Variants in OTOF observed in about 807,000 individuals in gnomAD.
OTOF encodes the protein otoferlin.
A neutral mutation model predicts 236.8 loss-of-function variants in OTOF; 218 were observed. The observed-to-expected ratio is 0.92, with a 90% CI of 0.82 to 1.03. The LOEUF is 1.03. OTOF is among the 50% of genes least tolerant of loss of function. OTOF has a pLI of 0.00. For synonymous variants in OTOF, 1,041 were observed against 1,072.5 expected (o/e 0.97, Z 0.57); for missense variants, 2,590 against 2,694.4 (o/e 0.96, Z 0.86).
intron 1 of OTOF, among the ~76,000 whole-genome samples, chr2:26,544,942 G>A (rs1474159866): frequency 6.6e-6 from 1 of 151,682 alleles, no homozygotes; most frequent in Non-Finnish European, 1.5e-5. Flanking sequence ...TCGGGAGGCT[G>A]AAGCAGGAGA....
chr2:26,489,649 C>A (rs867025817), intron 10 of OTOF, 29 bp downstream of exon 10: 1 of 1,596,434 alleles, frequency 6.3e-7, no homozygotes, highest in South Asian at 1.1e-5. Flanking sequence ...GGGAGTGGCC[C>A]TGCCGGCCAG....
intron 3 of OTOF, among the ~76,000 whole-genome samples, chr2:26,526,310 G>A (rs1666803243): frequency 6.6e-6 from 1 of 151,786 alleles, no homozygotes; most frequent in African/African-American, 2.4e-5. Context: ...TGAAAGGATG[G>A]ACGGATGAAT....
Position 26,489,760 on chromosome 2 carries a change from G to A in OTOF, c.898-20C>T, listed in dbSNP as rs1572445517. 1.2e-6 allele frequency: 2 copies of A among 1,605,736 alleles called. No homozygotes were observed. The highest frequency in any genetic ancestry group is 4.5e-5 in the East Asian group (2 of 44,852). On this transcript the variant is annotated intron_variant, in intron 9 of 46. Coordinates refer to ENST00000272371, the MANE Select transcript of OTOF (RefSeq NM_194248.3). Reference sequence around the variant, plus strand: ...GAAGTACTGGAGGGGGAAGGATCCAGGCCTGCTGTCACTGAGGGCAGCAGC... The same window carrying A: ...GAAGTACTGGAGGGGGAAGGATCCAAGCCTGCTGTCACTGAGGGCAGCAGC...
rs1664506324 is a variant in OTOF, at chr2:26,462,339, G to C, written c.5193-158C>G. The stretch of plus-strand genomic sequence containing the variant: ...CTGGAGGAGTGGTTTGGGGTTGGGG[G>C]AGCAGAGGCATGAGTGAGAAGGCCC... On this transcript the variant is annotated intron_variant, in intron 41 of 46. Coordinates refer to ENST00000272371, the MANE Select transcript of OTOF (RefSeq NM_194248.3). The surrounding 1 kb of genome is among the most constrained non-coding windows in gnomAD (Gnocchi z 4.7). Among the ~76,000 whole-genome samples, 1 of 151,992 alleles carries C rather than the reference G, an allele frequency of 6.6e-6. No homozygotes were observed. Among genetic ancestry groups the C allele is most frequent in the Non-Finnish European group, 1.5e-5 (1 of 67,970 alleles).
intron 2 of OTOF, among the ~76,000 whole-genome samples, chr2:26,535,933 T>A (rs1667059023): frequency 6.6e-6 from 1 of 152,200 alleles, no homozygotes; most frequent in Non-Finnish European, 1.5e-5. Flanking sequence ...AGGGTGGCAG[T>A]GCCCTTGGAA....
intron 1 of OTOF, among the ~76,000 whole-genome samples, chr2:26,542,249 G>A (rs2148127312): frequency 6.6e-6 from 1 of 152,328 alleles, no homozygotes; most frequent in Non-Finnish European, 1.5e-5. Context: ...GGTGTGCAGG[G>A]ACACGGCTGC....
At chr2:26,547,639 C>A (rs1026286051) in intron 1 of OTOF, among the ~76,000 whole-genome samples, 1 of 152,012 alleles carries the variant, frequency 6.6e-6, no homozygotes, top group African/African-American at 2.4e-5. Context: ...AGTTCAAGAC[C>A]AGCCTGGCCA....
intron 5 of OTOF, among the ~76,000 whole-genome samples, chr2:26,506,988 T>C (rs1236087111): frequency 6.6e-6 from 1 of 152,166 alleles, no homozygotes; most frequent in Admixed American, 6.5e-5. Context: ...AGACTCTGTC[T>C]CAAACAAACA....
At chr2:26,504,407 C>T (rs939671750) in intron 5 of OTOF, among the ~76,000 whole-genome samples, 58 of 152,308 alleles carry the variant, frequency 3.8e-4, no homozygotes, top group African/African-American at 1.4e-3. Context: ...TGCTCAAAGC[C>T]TGACTTGTCT....
chr2:26,473,076 GC>G lies in OTOF; in HGVS notation c.3733+55del. The stretch of plus-strand genomic sequence containing the variant: ...GGCTTGGACTGGGCGGAGACCTGGA[GC>G]CCTTCCCTGGGGGGCGTGGAGCCAG... On this transcript the variant is annotated intron_variant, in intron 29 of 46. Transcript: ENST00000272371. This position sits in a 1 kb window ranked among gnomAD's most constrained non-coding sequence, Gnocchi z 7.2. 1 of 1,555,684 alleles carries G rather than the reference GC, an allele frequency of 6.4e-7. No homozygotes were observed. Among genetic ancestry groups the G allele is most frequent in the African/African-American group, 1.3e-5 (1 of 74,136 alleles).
chr2:26,543,740 G>A (rs901087478), intron 1 of OTOF, among the ~76,000 whole-genome samples: 5 of 151,946 alleles, frequency 3.3e-5, no homozygotes, highest in African/African-American at 9.7e-5. Flanking sequence ...TTTTTGAGAC[G>A]GAGTCTTGAT....
rs557413917 is a variant in OTOF at position 26,507,432 on chromosome 2, G to T, written c.510-3587C>A. On this transcript the variant is annotated intron_variant, in intron 5 of 46. Coordinates refer to ENST00000272371, the MANE Select transcript of OTOF (RefSeq NM_194248.3). ...ACTTCTCTTGGCAAACTGTAAAGGA[G>T]AGTTTTGAAATAAATGTCAACTTAA... is the stretch of plus-strand genomic sequence containing the variant. Among the ~76,000 whole-genome samples, 3 of 152,350 alleles carry T rather than the reference G, an allele frequency of 2.0e-5. No homozygotes were observed. In the East Asian group the frequency reaches 5.8e-4, roughly 29 times the overall value.
At position 26,494,923 on chromosome 2, in the gene OTOF, T is replaced by G; in HGVS notation, c.897+19A>C. ...CCTGCCATATTTACAGAGGCTCCTT[T>G]CCCCACAGGGCCACTGACCTCGTTG... On this transcript the variant is annotated intron_variant, in intron 9 of 46. Coordinates refer to ENST00000272371, the MANE Select transcript of OTOF (RefSeq NM_194248.3). 1 of 1,614,014 alleles carries G rather than the reference T, an allele frequency of 6.2e-7. No homozygotes were observed. Among genetic ancestry groups the G allele is most frequent in the African/African-American group, 1.3e-5 (1 of 74,986 alleles).
Position 26,466,791 on chromosome 2 carries a change from C to T in OTOF, c.4423G>A (p.Asp1475Asn), listed in dbSNP as rs759839598. 15 of 1,614,074 alleles carry T rather than the reference C, an allele frequency of 9.3e-6. No homozygotes were observed. The East Asian group carries it at 1.1e-4, about 12-fold the overall frequency. Residue 1475 changes from aspartate to asparagine, a missense_variant, in exon 36 of 47, where the codon GAC becomes AAC. This residue lies in a region of OTOF where 1,211 missense variants were observed against 1,352.8 expected (regional missense o/e 0.90). Transcript: ENST00000272371. ...PEDVSREAGYDSTYGMFQGIP... is the reference protein window; with the variant it reads ...PEDVSREAGYNSTYGMFQGIP... ...CCCTGGAACATGCCGTAGGTGGAGT[C>T]GTAGCCGGCTTCCCGGGACACGTCC...
At chr2:26,520,710 C>A (rs561234607) in intron 3 of OTOF, among the ~76,000 whole-genome samples, 16 of 152,308 alleles carry the variant, frequency 1.1e-4, no homozygotes, top group Non-Finnish European at 1.8e-4. Context: ...AGCTGCTGCC[C>A]CTGAGTCTCA....
Position 26,486,628 on chromosome 2 carries a change from G to A in OTOF, c.1046-1995C>T, listed in dbSNP as rs374713803. ...GTGTGAAAGTGGGTGAAGGTTACAG[G>A]GTGACAGATTTTGAGATGACCTAAA... is the stretch of plus-strand genomic sequence containing the variant. On this transcript the variant is annotated intron_variant, in intron 11 of 46. Coordinates refer to ENST00000272371, the MANE Select transcript of OTOF (RefSeq NM_194248.3). 4.3e-4 allele frequency among the ~76,000 whole-genome samples: 65 copies of A among 152,290 alleles called. 2 individuals are homozygous for A. The highest frequency in any genetic ancestry group is 1.5e-3 in the African/African-American group (64 of 41,552).
chr2:26,479,586 C>T lies in OTOF; in HGVS notation c.1980G>A (p.Gly660=), dbSNP rs1323522125. 2 of 1,612,736 alleles carry T rather than the reference C, an allele frequency of 1.2e-6. No homozygotes were observed. The highest frequency in any genetic ancestry group is 1.1e-5 in the South Asian group (1 of 91,076). Residue 660 remains glycine, a synonymous_variant, in exon 17 of 47, where the codon GGG becomes GGA. Coordinates refer to ENST00000272371, the MANE Select transcript of OTOF (RefSeq NM_194248.3). ...GAATCAGGTCTACTTCTTCCTCATC[C>T]CCCGGCTCCTTCCGGGGCCGAGGCC... ...PQRPRPRKEP[G]DEEEVDLIQN...
rs2148024902 is a variant in OTOF at position 26,464,107 on chromosome 2, C to T, written c.4961-1G>A. 1 of 1,613,454 alleles carries T rather than the reference C, an allele frequency of 6.2e-7. No individual in the cohort carries two copies. The highest frequency in any genetic ancestry group is 8.5e-7 in the Non-Finnish European group (1 of 1,179,982). On this transcript the variant is annotated splice_acceptor_variant, in intron 39 of 46. Transcript: ENST00000272371. LOFTEE classifies it high-confidence loss of function. ...TGCTCGTCTGTGGGCTTCCTCTGAC[C>T]TGTGGGTGCCGGCGGCTCAGCTGCA...
At chr2:26,503,533 G>A (rs921248250) in intron 6 of OTOF, among the ~76,000 whole-genome samples, 2 of 152,372 alleles carry the variant, frequency 1.3e-5, no homozygotes, top group African/African-American at 2.4e-5. Flanking sequence ...AGGAAGAACC[G>A]GGAGCAACGA....
Sources: gnomAD v4.1 joint callset for allele counts (sites outside exome capture counted in the v4.1 genomes callset) on GRCh38, gnomAD v4.1.1 for gene constraint, gnomAD v4.1.1 regional missense constraint, Gnocchi (gnomAD v3.1) non-coding constraint, MANE v1.5 for transcripts, NCBI Gene and HGNC (gene_info 2026-07-23, HGNC 2026-07-21) for gene names.